Variants in DHX38 observed in about 807,000 individuals in gnomAD.
The protein encoded by DHX38 is DEAH-box helicase 38, also known as pre-mRNA-splicing factor ATP-dependent RNA helicase PRP16.
DHX38 carries 100 observed loss-of-function variants against 153.1 expected under a neutral mutation model. The ratio of observed to expected loss-of-function variants is 0.65; its 90% confidence interval spans 0.56 to 0.77. The LOEUF is 0.77. DHX38 is among the 30% of genes least tolerant of loss of function. The pLI, the probability that DHX38 is intolerant of heterozygous loss-of-function variation, is 0.00. For missense variants in DHX38, 1,440 were observed against 1,654.0 expected (o/e 0.87, Z 2.24); for synonymous variants, 650 against 631.7 (o/e 1.03, Z -0.43).
At position 72,111,014 on chromosome 16, in the gene DHX38, C is replaced by T; in HGVS notation, c.3536C>T (p.Ala1179Val). Residue 1179 changes from alanine to valine, a missense_variant, in exon 26 of 27, where the codon GCC (alanine) becomes GTC (valine). Physicochemically the swap from Ala to Val is moderately conservative, Grantham distance 64. Transcript: ENST00000268482. Reference protein sequence around the residue: ...ASAMEEEMALAEEQLRARRQE... With the variant: ...ASAMEEEMALVEEQLRARRQE... ...GCCATGGAGGAGGAGATGGCGCTGG[C>T]CGAGGAGCAGCTGCGAGCCCGGCGG... 1 of 1,585,666 alleles carries T rather than the reference C, an allele frequency of 6.3e-7. No individual in the cohort carries two copies. The highest frequency in any genetic ancestry group is 1.8e-5 in the Admixed American group (1 of 55,856).
chr16:72,098,919 G>A lies in DHX38; in HGVS notation c.765-8G>A. 1 of 1,614,210 alleles carries A rather than the reference G, an allele frequency of 6.2e-7. No individual in the cohort carries two copies. Among genetic ancestry groups the A allele is most frequent in the East Asian group, 2.2e-5 (1 of 44,892 alleles). ...ACAGTTTTGTGATGCTGGTGCTGCT[G>A]TTCCCAGGTCTGTGAGGGGCAAGTA... On this transcript the variant is annotated splice_polypyrimidine_tract_variant and splice_region_variant and intron_variant, in intron 5 of 26. Transcript: ENST00000268482.
intron 19 of DHX38, 122 bp downstream of exon 19, chr16:72,106,239 A>T: frequency 1.2e-6 from 1 of 847,490 alleles, no homozygotes; most frequent in Non-Finnish European, 1.8e-6. Flanking sequence ...AGCTGCTGGC[A>T]GGGCTGCCAC....
Position 72,107,205 on chromosome 16 carries a change from G to A in DHX38, c.2601-135G>A. ...ATTGGCAGATTGGAGTTTTGAATAG[G>A]TGGAAGTCAGTGATTCACTGAAGTA... On this transcript the variant is annotated intron_variant, in intron 19 of 26. Coordinates refer to ENST00000268482, the MANE Select transcript of DHX38 (RefSeq NM_014003.4). This position sits in a 1 kb window ranked among gnomAD's most constrained non-coding sequence, Gnocchi z 5.3. The A allele has an allele frequency of 1.1e-6, 1 of 894,148 alleles. No homozygotes were observed. Among genetic ancestry groups the A allele is most frequent in the Admixed American group, 2.6e-5 (1 of 37,906 alleles). 55.4% of individuals were successfully genotyped at this position (894,148 alleles called of 1,614,324 possible). A position where few individuals can be genotyped will look rare whatever the true frequency, so the allele number is the denominator to read the frequency against.
At chr16:72,098,230 C>T (rs11075921) in intron 4 of DHX38, among the ~76,000 whole-genome samples, 30,172 of 151,910 alleles carry the variant, frequency 0.2, 3,687 homozygotes, top group African/African-American at 0.34. Context: ...GTCAGGAGTT[C>T]GAGACCAGCC....
At position 72,099,724 on chromosome 16, in the gene DHX38, C is replaced by A. The variant is rs780347202; in HGVS notation, c.961-8C>A. On this transcript the variant is annotated splice_polypyrimidine_tract_variant and splice_region_variant and intron_variant, in intron 7 of 26. Coordinates refer to ENST00000268482, the MANE Select transcript of DHX38 (RefSeq NM_014003.4). ...CCTCACTCCCTTGCTTTGCCTCCTG[C>A]CCTGCAGCAAGCCGATCGGGATTGG... is the stretch of plus-strand genomic sequence containing the variant. The A allele has an allele frequency of 1.1e-5, 17 of 1,613,950 alleles. No individual in the cohort carries two copies. In the Middle Eastern group the frequency reaches 5.0e-4, roughly 47 times the overall value.
rs536514610 is a variant in DHX38 at position 72,109,479 on chromosome 16, A to G, written c.3446A>G (p.Tyr1149Cys). 1.2e-6 allele frequency: 2 copies of G among 1,612,804 alleles called. No individual in the cohort carries two copies. The highest frequency in any genetic ancestry group is 1.7e-6 in the Non-Finnish European group (2 of 1,179,574). The change falls in exon 25 of 27, where the codon TAT becomes TGT. Residue 1149 changes from tyrosine to cysteine, a missense_variant. Physicochemically the swap from Tyr to Cys is radical, Grantham distance 194. Coordinates refer to ENST00000268482, the MANE Select transcript of DHX38 (RefSeq NM_014003.4). ...EWLAELGPMFYSVKQAGKSRQ... is the reference protein window; with the variant it reads ...EWLAELGPMFCSVKQAGKSRQ... Reference sequence around the variant, plus strand: ...CTGGCGGAGCTGGGCCCCATGTTCTATAGCGTGAAACAGGCGGGCAAGTCA... The same window carrying G: ...CTGGCGGAGCTGGGCCCCATGTTCTGTAGCGTGAAACAGGCGGGCAAGTCA...
chr16:72,097,044 G>A, intron 3 of DHX38, 35 bp downstream of exon 3: 1 of 1,564,116 alleles, frequency 6.4e-7, no homozygotes, highest in African/African-American at 1.4e-5. Flanking sequence ...TTGTCCATTA[G>A]CATTCGAATA....
Position 72,104,607 on chromosome 16 carries a change from T to C in DHX38, c.2132T>C (p.Val711Ala). The C allele has an allele frequency of 6.2e-7, 1 of 1,614,176 alleles. No individual in the cohort carries two copies. The highest frequency in any genetic ancestry group is 8.5e-7 in the Non-Finnish European group (1 of 1,180,022). Residue 711 changes from valine (V) to alanine (A), a missense_variant, in exon 15 of 27, where the codon GTT (valine) becomes GCT (alanine). By Grantham distance (64) the Val-to-Ala change is moderately conservative (BLOSUM62 0). Transcript: ENST00000268482. The surrounding 1 kb of genome is among the most constrained non-coding windows in gnomAD (Gnocchi z 4.5). ...IFHIPGRTFP[V>A]DILFSKTPQE... ...CACATCCCTGGCCGTACCTTCCCTG[T>C]TGACATCCTCTTCAGCAAGGTATTG...
chr16:72,101,304 A>G (rs558396750), intron 10 of DHX38, 111 bp downstream of exon 10: 1 of 1,293,588 alleles, frequency 7.7e-7, no homozygotes, highest in African/African-American at 1.5e-5. Context: ...CCCTCTATCA[A>G]GTCCTTAGGC....
intron 21 of DHX38, 147 bp from the exon 22 acceptor site, chr16:72,108,080 T>A: frequency 9.9e-7 from 1 of 1,012,006 alleles, no homozygotes; most frequent in Non-Finnish European, 1.4e-6. Context: ...TAAAAATTAT[T>A]TTAATTTTTC....
chr16:72,094,225 T>G (rs972667361), intron 1 of DHX38, 174 bp downstream of exon 1: 2 of 152,916 alleles, frequency 1.3e-5, no homozygotes, highest in Non-Finnish European at 2.9e-5. Flanking sequence ...CTGGCCGCCT[T>G]GGCCTTCCTC....
At chr16:72,095,945 G>A (rs77805465) in intron 1 of DHX38, among the ~76,000 whole-genome samples, 194 bp from the exon 2 acceptor site, 3,254 of 151,948 alleles carry the variant, frequency 0.021, 105 homozygotes, top group African/African-American at 0.074. Context: ...GTTTATTGGG[G>A]GTTGGAATAG....
At chr16:72,108,191 CT>C (rs996469282) in intron 21 of DHX38, 35 bp from the exon 22 acceptor site, 4 of 1,609,878 alleles carry the variant, frequency 2.5e-6, no homozygotes, top group African/African-American at 2.7e-5. Flanking sequence ...CTGGACCCCC[CT>C]GTACTTAGAG....
Position 72,104,476 on chromosome 16 carries a change from C to A in DHX38, c.2011-10C>A, listed in dbSNP as rs764045537. 8.7e-6 allele frequency: 14 copies of A among 1,613,402 alleles called. No individual in the cohort carries two copies. The Admixed American group carries it at 2.2e-4, about 25-fold the overall frequency. On this transcript the variant is annotated splice_polypyrimidine_tract_variant and intron_variant, in intron 14 of 26. Transcript: ENST00000268482. This position sits in a 1 kb window ranked among gnomAD's most constrained non-coding sequence, Gnocchi z 4.5. ...CACCATGGGGGCCTCCGAGCCGCCTCTTCTCTCAGGTAGTGGCTCGGCGCT... is the reference window on the plus strand; with the variant it reads ...CACCATGGGGGCCTCCGAGCCGCCTATTCTCTCAGGTAGTGGCTCGGCGCT...
chr16:72,098,598 C>T (rs2042053147), intron 4 of DHX38, 47 bp from the exon 5 acceptor site: 1 of 1,603,520 alleles, frequency 6.2e-7, no homozygotes, highest in Non-Finnish European at 8.5e-7. Flanking sequence ...TAGACCATGT[C>T]ATGGTTAAGT....
chr16:72,107,466 C>T lies in DHX38; in HGVS notation c.2727C>T (p.Phe909=). 2 of 1,614,212 alleles carry T rather than the reference C, an allele frequency of 1.2e-6. No homozygotes were observed. Among genetic ancestry groups the T allele is most frequent in the Non-Finnish European group, 1.7e-6 (2 of 1,180,042 alleles). ...TCGGGGTGCAGGACCTGCTGCAGTT[C>T]CACTTCATGGACCCGCCCCCGGAGG... The part of the protein sequence containing the change: ...KSLGVQDLLQ[F]HFMDPPPEDN... Residue 909 remains phenylalanine (F), a synonymous_variant, in exon 20 of 27, where the codon TTC becomes TTT. Transcript: ENST00000268482. The surrounding 1 kb of genome is among the most constrained non-coding windows in gnomAD (Gnocchi z 5.3).
intron 19 of DHX38, among the ~76,000 whole-genome samples, chr16:72,106,440 T>TCTTCTTTC (rs2042178032): frequency 6.8e-6 from 1 of 147,416 alleles, no homozygotes; most frequent in African/African-American, 2.5e-5. Context: ...TCTTTCCCCA[T>TCTTCTTTC]TTTCTTTCTT....
chr16:72,096,038 TG>T (rs1352325957), intron 1 of DHX38, 100 bp from the exon 2 acceptor site: 2 of 1,223,624 alleles, frequency 1.6e-6, no homozygotes, highest in East Asian at 5.0e-5. Flanking sequence ...TAAGGGGAGA[TG>T]GGGAAGGTTA....
intron 10 of DHX38, 58 bp downstream of exon 10, chr16:72,101,251 T>A (rs1022452030): frequency 1.9e-6 from 3 of 1,576,806 alleles, no homozygotes; most frequent in Non-Finnish European, 2.6e-6. Context: ...TTTTTTCTTC[T>A]CTTCATAAGT....
Sources: allele counts gnomAD v4.1 joint callset (sites outside exome capture counted in the v4.1 genomes callset), GRCh38; gene constraint gnomAD v4.1.1; non-coding constraint Gnocchi (gnomAD v3.1); transcripts MANE v1.5; gene names NCBI Gene and HGNC (gene_info 2026-07-23, HGNC 2026-07-21).